Variants in SUFU observed in about 807,000 individuals in gnomAD.
The protein encoded by SUFU is suppressor of fused homolog.
SUFU carries 7 observed loss-of-function variants against 58.9 expected under a neutral mutation model. The observed-to-expected ratio is 0.12, with a 90% CI of 0.07 to 0.22. SUFU has a LOEUF of 0.22. Among genes scored for constraint, SUFU ranks in the 10% least tolerant of loss-of-function variants. The probability of loss-of-function intolerance (pLI) is 1.00; values close to 1 mark genes in which losing one functional copy is unlikely to be tolerated. For synonymous variants in SUFU, 232 were observed against 254.8 expected, an observed-to-expected ratio of 0.91 and a Z score of 0.85; for missense variants, 451 against 641.3, an observed-to-expected ratio of 0.70 and a Z score of 3.20.
intron 2 of SUFU, among the ~76,000 whole-genome samples, chr10:102,538,562 G>T (rs903656234): frequency 6.6e-6 from 1 of 152,032 alleles, no homozygotes; most frequent in African/African-American, 2.4e-5. Context: ...GCCGTTTTAG[G>T]TTCTCAGCAA....
At chr10:102,579,918 C>G (rs1282816302) in intron 3 of SUFU, 2 of 937,044 alleles carry the variant, frequency 2.1e-6, no homozygotes, top group Non-Finnish European at 2.5e-6. Context: ...GGAAACTCTA[C>G]AACTGGTCAC....
At chr10:102,546,516 G>C (rs781087053) in intron 2 of SUFU, among the ~76,000 whole-genome samples, 1 of 152,110 alleles carries the variant, frequency 6.6e-6, no homozygotes, top group Non-Finnish European at 1.5e-5. Flanking sequence ...TCCTTTCTTG[G>C]AAGATGTGAG....
At chr10:102,553,096 C>T (rs1238970402) in intron 3 of SUFU, among the ~76,000 whole-genome samples, 1 of 152,156 alleles carries the variant, frequency 6.6e-6, no homozygotes, top group African/African-American at 2.4e-5. Flanking sequence ...AGGGTGACTA[C>T]ACTCCTAAAA....
At chr10:102,609,239 A>G (rs1466990408) in intron 8 of SUFU, among the ~76,000 whole-genome samples, 1 of 152,074 alleles carries the variant, frequency 6.6e-6, no homozygotes, top group East Asian at 1.9e-4. Flanking sequence ...AGCAAAGTAC[A>G]CAAAGGATTA....
chr10:102,509,247 C>T lies in SUFU; in HGVS notation c.261C>T (p.His87=), dbSNP rs2062369344. ...VGSPSANIPE[H]WHYISFGLSD... ...GCCCTTCTGCTAACATCCCCGAGCA[C>T]TGGCACTACATCAGCTTCGGCCTGA... The change falls in exon 2 of 12, where the codon CAC becomes CAT. Residue 87 remains histidine (H), a synonymous_variant. Transcript: ENST00000369902. 2 of 1,614,110 alleles carry T rather than the reference C, an allele frequency of 1.2e-6. No homozygotes were observed. The highest frequency in any genetic ancestry group is 1.7e-6 in the Non-Finnish European group (2 of 1,180,054).
chr10:102,535,012 C>T (rs990265643), intron 2 of SUFU, among the ~76,000 whole-genome samples: 10 of 152,102 alleles, frequency 6.6e-5, no homozygotes, highest in Non-Finnish European at 1.3e-4. Flanking sequence ...CTACCCCCTG[C>T]ACAGGATCTA....
chr10:102,507,632 A>G (rs544001216), intron 1 of SUFU, among the ~76,000 whole-genome samples: 36 of 152,390 alleles, frequency 2.4e-4, no homozygotes, highest in African/African-American at 7.7e-4. Flanking sequence ...AGGGATTTCT[A>G]TCCACAAAGG....
At chr10:102,541,301 A>G (rs1460341728) in intron 2 of SUFU, among the ~76,000 whole-genome samples, 3 of 152,152 alleles carry the variant, frequency 2.0e-5, no homozygotes, top group Non-Finnish European at 4.4e-5. Context: ...TACTGTATGT[A>G]AGAATCCATC....
chr10:102,621,183 G>A (rs1021836835), intron 10 of SUFU, among the ~76,000 whole-genome samples: 6 of 152,172 alleles, frequency 3.9e-5, no homozygotes, highest in Admixed American at 6.5e-5. Flanking sequence ...CCCATGCCCT[G>A]GGCACCTCCT....
chr10:102,540,768 T>C (rs2062789678), intron 2 of SUFU, among the ~76,000 whole-genome samples: 1 of 151,264 alleles, frequency 6.6e-6, no homozygotes, highest in Non-Finnish European at 1.5e-5. Flanking sequence ...ACACCTACAA[T>C]CCTAGCGCTC....
chr10:102,580,696 T>A (rs2063267891), intron 3 of SUFU, among the ~76,000 whole-genome samples: 1 of 152,210 alleles, frequency 6.6e-6, no homozygotes, highest in South Asian at 2.1e-4. Flanking sequence ...TGTGTCTTCC[T>A]GAGGGCAGTG....
At chr10:102,522,755 TC>T (rs2062564992) in intron 2 of SUFU, among the ~76,000 whole-genome samples, 1 of 152,202 alleles carries the variant, frequency 6.6e-6, no homozygotes, top group Non-Finnish European at 1.5e-5. Flanking sequence ...CCAGCGTTGA[TC>T]GCTGTCCTCT....
chr10:102,606,686 G>A (rs2063565289), intron 8 of SUFU, among the ~76,000 whole-genome samples: 1 of 152,214 alleles, frequency 6.6e-6, no homozygotes, highest in Admixed American at 6.5e-5. Flanking sequence ...CCGGTGCACA[G>A]AGGAAAGCTG....
intron 8 of SUFU, among the ~76,000 whole-genome samples, chr10:102,611,394 GTT>G: frequency 6.6e-6 from 1 of 152,222 alleles, no homozygotes; most frequent in African/African-American, 2.4e-5. Flanking sequence ...CAGTGTTTCT[GTT>G]GGACTGTAGT....
At position 102,516,176 on chromosome 10, in the gene SUFU, A is replaced by G. The variant is rs1589981827; in HGVS notation, c.317+6873A>G. 2.4e-5 allele frequency among the ~76,000 whole-genome samples: 3 copies of G among 125,372 alleles called. No individual in the cohort carries two copies. In the Admixed American group the frequency reaches 3.0e-4, roughly 12 times the overall value. The allele number at this position is 125,372 out of a possible 152,430, so 82.2% of individuals were successfully genotyped here. On this transcript the variant is annotated intron_variant, in intron 2 of 11. Transcript: ENST00000369902. Reference sequence around the variant, plus strand: ...AGTCTTCCTTTGTTGCCGAGGCTGGAGTGCAGTGACACGACCTCGACTCTG... The same window carrying G: ...AGTCTTCCTTTGTTGCCGAGGCTGGGGTGCAGTGACACGACCTCGACTCTG...
rs1564712678 is a variant in SUFU at position 102,630,344 on chromosome 10, G to A, written c.*189G>A. ...GGCCCTCCACCTCACCTCCAGCTCA[G>A]GGGCCGCACCCCGCCGCTGGCTAAG... On this transcript the variant is annotated 3_prime_UTR_variant, in exon 12 of 12. Coordinates refer to ENST00000369902, the MANE Select transcript of SUFU (RefSeq NM_016169.4). 1 of 631,372 alleles carries A rather than the reference G, an allele frequency of 1.6e-6. No homozygotes were observed. The highest frequency in any genetic ancestry group is 2.8e-6 in the Non-Finnish European group (1 of 354,596). The allele number at this position is 631,372 out of a possible 1,614,324, so 39.1% of individuals were successfully genotyped here.
At chr10:102,548,987 G>A (rs927925293) in intron 2 of SUFU, among the ~76,000 whole-genome samples, 9 of 152,200 alleles carry the variant, frequency 5.9e-5, no homozygotes, top group African/African-American at 2.2e-4. Context: ...CAGGTTTCAG[G>A]AAGAGCTTGT....
rs117813719 is a variant in SUFU at position 102,587,865 on chromosome 10, T to G, written c.455-4717T>G. 4.6e-5 allele frequency among the ~76,000 whole-genome samples: 7 copies of G among 152,352 alleles called. No individual in the cohort carries two copies. In the East Asian group the frequency reaches 1.3e-3, roughly 29 times the overall value. On this transcript the variant is annotated intron_variant, in intron 3 of 11. Transcript: ENST00000369902. ...TGTTACTTATGCTTTTGATATTGTA[T>G]GGAAGAAACCTTTGCCTAATCCAAG...
intron 8 of SUFU, 94 bp from the exon 9 acceptor site, chr10:102,615,174 C>G (rs2135929440): frequency 2.6e-6 from 4 of 1,564,968 alleles, no homozygotes; most frequent in Non-Finnish European, 3.5e-6. Context: ...CCATTATTGT[C>G]TTTATTACTC....
Sources: gnomAD v4.1 joint callset for allele counts (sites outside exome capture counted in the v4.1 genomes callset) on GRCh38, gnomAD v4.1.1 for gene constraint, MANE v1.5 for transcripts, NCBI Gene and HGNC (gene_info 2026-07-23, HGNC 2026-07-21) for gene names.